PRKD1: variants seen among roughly 807,000 people sequenced by gnomAD.
PRKD1 encodes the protein protein kinase D1, also known as serine/threonine-protein kinase D1.
In PRKD1, 63 loss-of-function variants were observed where a neutral mutation model predicts 95.9. That is an observed-to-expected ratio of 0.66 (90% confidence interval 0.54 to 0.81). The LOEUF (loss-of-function observed/expected upper bound fraction) is 0.81, where lower values mean the gene tolerates loss of function less well. PRKD1 is among the 30% of genes least tolerant of loss of function. The pLI is 0.00. For synonymous variants in PRKD1, 425 were observed against 423.1 expected (o/e 1.00, Z -0.05); for missense variants, 1,048 against 1,165.3 (o/e 0.90, Z 1.47).
chr14:29,916,012 A>G (rs921546548), intron 1 of PRKD1, among the ~76,000 whole-genome samples: 2 of 152,216 alleles, frequency 1.3e-5, no homozygotes, highest in Non-Finnish European at 2.9e-5. Flanking sequence ...CAAGATACAG[A>G]TTGGCACACA....
At position 29,638,700 on chromosome 14, in the gene PRKD1, A is replaced by T. The variant is rs1467194886; in HGVS notation, c.901T>A (p.Cys301Ser). The T allele has an allele frequency of 6.2e-7, 1 of 1,614,106 alleles. No homozygotes were observed. The highest frequency in any genetic ancestry group is 1.1e-5 in the South Asian group (1 of 91,086). Residue 301 changes from cysteine to serine, a missense_variant, in exon 5 of 18, where the codon TGC (cysteine) becomes AGC (serine). Transcript: ENST00000331968. ...LKGLFRQGLQ[C>S]KDCRFNCHKR... is the part of the protein sequence containing the mutation. ...GTGACAAAATCATCCTTACCTTTGC[A>T]CTGCAAGCCCTGCCTGAAAAGCCCC...
intron 16 of PRKD1, among the ~76,000 whole-genome samples, chr14:29,583,506 T>C (rs1892814930): frequency 2.0e-5 from 3 of 152,180 alleles, no homozygotes. Flanking sequence ...AAAAGTGGTA[T>C]GATTATTTTC....
At chr14:29,646,123 G>A (rs1881107075) in intron 4 of PRKD1, among the ~76,000 whole-genome samples, 1 of 152,116 alleles carries the variant, frequency 6.6e-6, no homozygotes, top group South Asian at 2.1e-4. Context: ...ATTCATGGTG[G>A]AGGCGAGGGG....
At chr14:29,693,693 A>G (rs1177777285) in intron 2 of PRKD1, among the ~76,000 whole-genome samples, 1 of 151,008 alleles carries the variant, frequency 6.6e-6, no homozygotes, top group African/African-American at 2.4e-5. Context: ...TCCTGGTATC[A>G]TTACAATAAG....
chr14:29,624,887 A>G (rs994400857), intron 12 of PRKD1, among the ~76,000 whole-genome samples: 2 of 152,212 alleles, frequency 1.3e-5, no homozygotes, highest in Admixed American at 6.5e-5. Flanking sequence ...CTACTATAAC[A>G]AACTTTTCAG....
chr14:29,577,282 C>T lies in PRKD1; in HGVS notation c.2695G>A (p.Glu899Lys). The change falls in exon 18 of 18, where the codon GAA (glutamate) becomes AAA (lysine). Residue 899 changes from glutamate (E) to lysine (K), a missense_variant. Physicochemically the swap from Glu to Lys is moderately conservative, Grantham distance 56 (BLOSUM62 1). Transcript: ENST00000331968. ...TCACCGAGGGCTTTCATTTCTGTTT[C>T]TTCAGTCTCAGGAGTGTCACTGTGG... Reference protein sequence around the residue: ...ASHSDTPETEETEMKALGERV... With the variant: ...ASHSDTPETEKTEMKALGERV... The T allele has an allele frequency of 1.2e-6, 2 of 1,613,774 alleles. No homozygotes were observed. The highest frequency in any genetic ancestry group is 1.7e-6 in the Non-Finnish European group (2 of 1,179,824).
At chr14:29,893,761 T>A (rs571547488) in intron 1 of PRKD1, among the ~76,000 whole-genome samples, 1 of 152,154 alleles carries the variant, frequency 6.6e-6, no homozygotes, top group South Asian at 2.1e-4. Context: ...CCAGTGCTAG[T>A]TCTAATTTTC....
intron 1 of PRKD1, among the ~76,000 whole-genome samples, chr14:29,922,662 T>C (rs568104776): frequency 6.6e-6 from 1 of 151,830 alleles, no homozygotes; most frequent in South Asian, 2.1e-4. Flanking sequence ...GGTGGGAGGA[T>C]TGCTTGAGGC....
intron 15 of PRKD1, among the ~76,000 whole-genome samples, chr14:29,598,385 A>C (rs536308275): frequency 8.1e-4 from 124 of 152,246 alleles, no homozygotes; most frequent in African/African-American, 2.8e-3. Flanking sequence ...AAATATGAAG[A>C]CAAGTGTACT....
intron 13 of PRKD1, among the ~76,000 whole-genome samples, chr14:29,602,427 C>CTTTTTTTT (rs11331211): frequency 1.5e-5 from 2 of 131,438 alleles, no homozygotes; most frequent in Non-Finnish European, 1.6e-5. Context: ...CTGTATTCCT[C>CTTTTTTTT]TTTTTTTTTT....
At chr14:29,616,918 C>A (rs1178998719) in intron 13 of PRKD1, among the ~76,000 whole-genome samples, 1 of 152,146 alleles carries the variant, frequency 6.6e-6, no homozygotes, top group Non-Finnish European at 1.5e-5. Flanking sequence ...AGCATTAGTA[C>A]TCAACAGGTA....
chr14:29,884,522 G>A (rs980950658), intron 1 of PRKD1, among the ~76,000 whole-genome samples: 1 of 152,018 alleles, frequency 6.6e-6, no homozygotes, highest in Non-Finnish European at 1.5e-5. Context: ...TAACAAAGAT[G>A]ATTTTCCATG....
At chr14:29,836,259 T>C (rs189678911) in intron 1 of PRKD1, among the ~76,000 whole-genome samples, 1 of 152,324 alleles carries the variant, frequency 6.6e-6, no homozygotes, top group African/African-American at 2.4e-5. Flanking sequence ...GGTTCTGGTA[T>C]TCTATCTGGC....
chr14:29,922,710 A>C (rs535558102), intron 1 of PRKD1, among the ~76,000 whole-genome samples: 68 of 151,858 alleles, frequency 4.5e-4, no homozygotes, highest in Middle Eastern at 6.8e-3. Context: ...ACAGTGAGAC[A>C]TTGTCTGTAT....
At chr14:29,846,920 C>A (rs1892100643) in intron 1 of PRKD1, among the ~76,000 whole-genome samples, 1 of 152,120 alleles carries the variant, frequency 6.6e-6, no homozygotes, top group African/African-American at 2.4e-5. Flanking sequence ...AAAGTGACCT[C>A]ATGCTGGAAA....
At chr14:29,646,989 C>T (rs1023821301) in intron 4 of PRKD1, among the ~76,000 whole-genome samples, 3 of 151,948 alleles carry the variant, frequency 2.0e-5, no homozygotes, top group Non-Finnish European at 4.4e-5. Context: ...TTCTCTATTC[C>T]TTGAGCTAAC....
intron 1 of PRKD1, among the ~76,000 whole-genome samples, chr14:29,889,080 C>T (rs1340810506): frequency 6.6e-6 from 1 of 152,088 alleles, no homozygotes; most frequent in Non-Finnish European, 1.5e-5. Flanking sequence ...AGCATTGGTC[C>T]TCTAGTCCTT....
chr14:29,648,665 GT>G (rs1373996825), intron 4 of PRKD1, among the ~76,000 whole-genome samples: 1 of 151,496 alleles, frequency 6.6e-6, no homozygotes, highest in East Asian at 2.0e-4. Context: ...TGGGGCTTCT[GT>G]TTTTTTGACA....
At chr14:29,662,901 C>A (rs1024161462) in intron 4 of PRKD1, among the ~76,000 whole-genome samples, 1 of 151,540 alleles carries the variant, frequency 6.6e-6, no homozygotes, top group African/African-American at 2.4e-5. Flanking sequence ...TTTAAATCCT[C>A]AAACTATTAG....
Sources: gnomAD v4.1 joint callset for allele counts (sites outside exome capture counted in the v4.1 genomes callset) on GRCh38, gnomAD v4.1.1 for gene constraint, MANE v1.5 for transcripts, NCBI Gene and HGNC (gene_info 2026-07-23, HGNC 2026-07-21) for gene names.